The following TAFA1 variants were observed in gnomAD, a reference collection of about 807,000 sequenced individuals.
The protein encoded by TAFA1 is chemokine-like protein TAFA-1.
A neutral mutation model predicts 18.5 loss-of-function variants in TAFA1; 4 were observed. That is an observed-to-expected ratio of 0.22 (90% confidence interval 0.11 to 0.49). The LOEUF is 0.49. Ranked by LOEUF, TAFA1 falls within the 20% of genes least tolerant of loss-of-function variation. The pLI, the probability that TAFA1 is intolerant of heterozygous loss-of-function variation, is 0.98. For missense variants in TAFA1, 147 were observed against 169.0 expected (o/e 0.87, Z 0.72); for synonymous variants, 56 against 55.2 (o/e 1.01, Z -0.06).
At chr3:68,145,075 G>A (rs753157511) in intron 2 of TAFA1, 554 of 1,557,910 alleles carry the variant, frequency 3.6e-4, no homozygotes, top group Non-Finnish European at 4.7e-4. Context: ...AGAACCAGGA[G>A]CTCGAGGCCC....
intron 2 of TAFA1, among the ~76,000 whole-genome samples, chr3:68,122,850 C>G (rs1030575929): frequency 6.6e-6 from 1 of 150,388 alleles, no homozygotes; most frequent in African/African-American, 2.4e-5. Context: ...GTATTATACA[C>G]TAGATTTTTA....
At chr3:68,450,638 A>G (rs760834501) in intron 3 of TAFA1, among the ~76,000 whole-genome samples, 110 of 152,246 alleles carry the variant, frequency 7.2e-4, no homozygotes, top group Non-Finnish European at 9.4e-4. Flanking sequence ...CCAAGGAAGT[A>G]GATTTTTAAG....
At chr3:68,163,226 C>T (rs960918080) in intron 2 of TAFA1, among the ~76,000 whole-genome samples, 1 of 152,160 alleles carries the variant, frequency 6.6e-6, no homozygotes, top group Non-Finnish European at 1.5e-5. Flanking sequence ...TAACTAAGTA[C>T]TGACGATGGT....
chr3:68,168,847 C>T (rs1382251160), intron 2 of TAFA1, among the ~76,000 whole-genome samples: 1 of 152,156 alleles, frequency 6.6e-6, no homozygotes, highest in Non-Finnish European at 1.5e-5. Context: ...AGCCCAAAGT[C>T]ACTGTTCTGG....
chr3:68,125,377 T>C (rs147254755), intron 2 of TAFA1, among the ~76,000 whole-genome samples: 324 of 152,358 alleles, frequency 2.1e-3, no homozygotes, highest in African/African-American at 7.5e-3. Context: ...GCTATTGTTA[T>C]TATTACAAGT....
At chr3:68,541,011 G>A (rs139805847) in intron 4 of TAFA1, among the ~76,000 whole-genome samples, 109 of 152,268 alleles carry the variant, frequency 7.2e-4, no homozygotes, top group Middle Eastern at 3.4e-3. Context: ...TTCAACTCAA[G>A]CAGTTGAATG....
chr3:68,022,843 TA>T (rs1575578523), intron 2 of TAFA1, among the ~76,000 whole-genome samples: 37 of 760 alleles, frequency 0.049, 1 homozygote, highest in East Asian at 0.23. Flanking sequence ...ATATATATAT[TA>T]TATATATATA....
chr3:68,471,381 AC>A (rs2071994790), intron 3 of TAFA1, among the ~76,000 whole-genome samples: 1 of 152,164 alleles, frequency 6.6e-6, no homozygotes, highest in Non-Finnish European at 1.5e-5. Context: ...TGGTAGATCC[AC>A]TGATGACTTG....
intron 2 of TAFA1, among the ~76,000 whole-genome samples, chr3:68,149,904 T>C (rs1278335043): frequency 2.0e-5 from 3 of 152,170 alleles, no homozygotes; most frequent in Non-Finnish European, 4.4e-5. Context: ...GCATAGGAGA[T>C]GGAGCTGGGG....
intron 2 of TAFA1, among the ~76,000 whole-genome samples, chr3:68,218,881 C>T (rs1458734155): frequency 6.6e-6 from 1 of 152,078 alleles, no homozygotes; most frequent in Non-Finnish European, 1.5e-5. Context: ...ACTTTAGTTT[C>T]TTACTATCCG....
At chr3:68,198,450 A>G (rs1385094978) in intron 2 of TAFA1, among the ~76,000 whole-genome samples, 1 of 151,684 alleles carries the variant, frequency 6.6e-6, no homozygotes, top group Non-Finnish European at 1.5e-5. Context: ...ACCACCAAAC[A>G]GTCTTCAAAA....
intron 3 of TAFA1, among the ~76,000 whole-genome samples, chr3:68,502,279 G>T (rs532001161): frequency 5.3e-5 from 8 of 151,860 alleles, no homozygotes; most frequent in South Asian, 4.2e-4. Flanking sequence ...TACAGATAAG[G>T]TTTATAATTA....
intron 2 of TAFA1, among the ~76,000 whole-genome samples, chr3:68,321,926 A>C (rs1185606525): frequency 6.6e-6 from 1 of 152,220 alleles, no homozygotes; most frequent in East Asian, 1.9e-4. Context: ...TTCATAAAAG[A>C]TATATTTCCA....
intron 2 of TAFA1, among the ~76,000 whole-genome samples, chr3:68,137,812 C>A (rs936572792): frequency 2.0e-5 from 3 of 152,180 alleles, no homozygotes; most frequent in Admixed American, 6.5e-5. Context: ...GGCCTTTTCC[C>A]ATAAAAACTG....
At position 68,484,086 on chromosome 3, in the gene TAFA1, A is replaced by G. The variant is rs191696709; in HGVS notation, c.260-54670A>G. On this transcript the variant is annotated intron_variant, in intron 3 of 4. Coordinates refer to ENST00000478136, the MANE Select transcript of TAFA1 (RefSeq NM_213609.4). ...AAAGACACAAGTAAACTTAATTTTC[A>G]TACTGCTTTACTCCAAATGCATCCA... is the stretch of plus-strand genomic sequence containing the variant. Among the ~76,000 whole-genome samples, 666 of 152,384 alleles carry G rather than the reference A, an allele frequency of 4.4e-3. 4 individuals are homozygous for G. The highest frequency in any genetic ancestry group is 5.9e-3 in the Non-Finnish European group (401 of 68,038).
At chr3:67,992,067 G>A in the TAFA1 span, among the ~76,000 whole-genome samples, 1 of 152,172 alleles carries the variant, frequency 6.6e-6, no homozygotes, top group Non-Finnish European at 1.5e-5. Flanking sequence ...CTAATGAAAT[G>A]TGAGTGGAAG....
intron 2 of TAFA1, among the ~76,000 whole-genome samples, chr3:68,015,567 C>T (rs572120057): frequency 1.6e-4 from 25 of 152,250 alleles, no homozygotes; most frequent in Admixed American, 2.6e-4. Flanking sequence ...GGATTATAGG[C>T]GTGAGCCACC....
intron 2 of TAFA1, among the ~76,000 whole-genome samples, chr3:68,281,694 G>C (rs948229538): frequency 6.6e-6 from 1 of 152,044 alleles, no homozygotes; most frequent in Non-Finnish European, 1.5e-5. Context: ...CCGACCTGAA[G>C]TGATCCACCT....
At chr3:68,422,857 C>A (rs1049710359) in intron 3 of TAFA1, among the ~76,000 whole-genome samples, 5 of 151,698 alleles carry the variant, frequency 3.3e-5, no homozygotes, top group Admixed American at 3.3e-4. Flanking sequence ...AATCTATAAC[C>A]CAAAATGGAA....
Sources: gnomAD v4.1 joint callset for allele counts (sites outside exome capture counted in the v4.1 genomes callset) on GRCh38, gnomAD v4.1.1 for gene constraint, MANE v1.5 for transcripts, NCBI Gene and HGNC (gene_info 2026-07-23, HGNC 2026-07-21) for gene names.